ONECUT2: variants seen among roughly 807,000 people sequenced by gnomAD.
The protein encoded by ONECUT2 is one cut homeobox 2, also known as one cut domain family member 2.
A neutral mutation model predicts 27.9 loss-of-function variants in ONECUT2; 10 were observed. The ratio of observed to expected loss-of-function variants is 0.36; its 90% CI spans 0.22 to 0.61. The LOEUF (loss-of-function observed/expected upper bound fraction) is 0.61. Ranked by LOEUF, ONECUT2 falls within the 20% of genes least tolerant of loss-of-function variation. The pLI is 0.73. For missense variants in ONECUT2, 686 were observed against 721.0 expected (o/e 0.95, Z 0.56); for synonymous variants, 334 against 315.1 (o/e 1.06, Z -0.64).
At chr18:57,448,337 A>G (rs2050212185) in intron 1 of ONECUT2, among the ~76,000 whole-genome samples, 1 of 152,144 alleles carries the variant, frequency 6.6e-6, no homozygotes, top group Non-Finnish European at 1.5e-5. Flanking sequence ...TTCCCCTGTG[A>G]CAATTTATCT....
intron 1 of ONECUT2, among the ~76,000 whole-genome samples, chr18:57,450,206 C>T (rs1323511691): frequency 1.3e-5 from 2 of 152,148 alleles, no homozygotes; most frequent in African/African-American, 4.8e-5. Flanking sequence ...TGGAGCCGTA[C>T]TTTGTCACCC....
chr18:57,470,353 T>C (rs2050346566), intron 1 of ONECUT2, among the ~76,000 whole-genome samples: 4 of 152,132 alleles, frequency 2.6e-5, no homozygotes, highest in Admixed American at 2.0e-4. Context: ...GGGAAGGGGT[T>C]TTCCAAGATC....
rs771314671 is a variant in ONECUT2, at chr18:57,476,646, C to T, written c.1438C>T (p.Arg480Cys). 1 of 1,614,166 alleles carries T rather than the reference C, an allele frequency of 6.2e-7. No individual in the cohort carries two copies. Among genetic ancestry groups the T allele is most frequent in the Non-Finnish European group, 8.5e-7 (1 of 1,180,016 alleles). Residue 480 changes from arginine to cysteine, a missense_variant, in exon 2 of 2, where the codon CGC becomes TGC. By Grantham distance (180) the Arg-to-Cys change is radical. Coordinates refer to ENST00000491143, the MANE Select transcript of ONECUT2 (RefSeq NM_004852.3). Reference protein sequence around the residue: ...VSNFFMNARRRSLEKWQDDLS... With the variant: ...VSNFFMNARRCSLEKWQDDLS... ...CAACTTCTTCATGAACGCCCGGCGC[C>T]GCAGCCTGGAGAAGTGGCAAGACGA...
rs968511093 is a variant in ONECUT2 at position 57,482,248 on chromosome 18, A to G, written c.*5525A>G. On this transcript the variant is annotated 3_prime_UTR_variant, in exon 2 of 2. Transcript: ENST00000491143. ...TGTTTGTTTCCAAGGTCGGGGAGGG[A>G]AAGAGGGGAGGGTTTATCTGTTTTA... The G allele has an allele frequency of 2.0e-5, 3 of 152,096 alleles. No homozygotes were observed. The allele number at this position is 152,096 out of a possible 1,614,324, so 9.4% of individuals were successfully genotyped here. A position where few individuals can be genotyped will look rare whatever the true frequency, so the allele number is the denominator to read the frequency against.
intron 1 of ONECUT2, among the ~76,000 whole-genome samples, chr18:57,447,669 T>C (rs2050208113): frequency 6.6e-6 from 1 of 152,088 alleles, no homozygotes; most frequent in Admixed American, 6.5e-5. Flanking sequence ...AGTGTTACTG[T>C]CTGCCTGCCC....
chr18:57,465,238 C>G (rs920849839), intron 1 of ONECUT2, among the ~76,000 whole-genome samples: 2 of 152,304 alleles, frequency 1.3e-5, no homozygotes, highest in South Asian at 4.1e-4. Context: ...TTGTGGCTCA[C>G]CACAGTCTCA....
At chr18:57,456,119 C>A (rs1248792745) in intron 1 of ONECUT2, among the ~76,000 whole-genome samples, 6 of 152,156 alleles carry the variant, frequency 3.9e-5, no homozygotes, top group Non-Finnish European at 4.4e-5. Context: ...AAAATTGGAA[C>A]CTTGTGTGCT....
intron 1 of ONECUT2, among the ~76,000 whole-genome samples, chr18:57,450,998 A>G (rs1318210202): frequency 6.6e-6 from 1 of 152,202 alleles, no homozygotes; most frequent in Non-Finnish European, 1.5e-5. Flanking sequence ...TAAGATTTGA[A>G]TGGATACATC....
intron 1 of ONECUT2, among the ~76,000 whole-genome samples, chr18:57,448,150 G>A (rs959652911): frequency 3.3e-5 from 5 of 152,174 alleles, no homozygotes; most frequent in African/African-American, 7.2e-5. Flanking sequence ...TTTGGGTTTC[G>A]AGTAAAATGG....
chr18:57,436,337 G>T lies in ONECUT2; in HGVS notation c.621G>T (p.Met207Ile). The part of the protein sequence containing the change: ...LMRDERGLPA[M>I]NNLYSPYKEM... ...GCGACGAGCGCGGGCTCCCGGCCAT[G>T]AACAACCTCTACAGTCCCTACAAGG... The change falls in exon 1 of 2, where the codon ATG (methionine) becomes ATT (isoleucine). Residue 207 changes from methionine (M) to isoleucine (I), a missense_variant. Met to Ile is a conservative substitution (Grantham distance 10). Around this residue, in one of 4 missense-constraint regions of ONECUT2, gnomAD observed 511 missense variants for 488.1 expected, o/e 1.05. Coordinates refer to ENST00000491143, the MANE Select transcript of ONECUT2 (RefSeq NM_004852.3). This position sits in a 1 kb window ranked among gnomAD's most constrained non-coding sequence, Gnocchi z 5.9. 1 of 1,605,492 alleles carries T rather than the reference G, an allele frequency of 6.2e-7. No individual in the cohort carries two copies. The highest frequency in any genetic ancestry group is 8.5e-7 in the Non-Finnish European group (1 of 1,179,844).
At chr18:57,472,024 C>G in intron 1 of ONECUT2, among the ~76,000 whole-genome samples, 1 of 152,196 alleles carries the variant, frequency 6.6e-6, no homozygotes. Context: ...ATGGTCTAGA[C>G]AGGGCTGGGC....
intron 1 of ONECUT2, among the ~76,000 whole-genome samples, chr18:57,467,777 T>A (rs1230602019): frequency 6.6e-6 from 1 of 152,168 alleles, no homozygotes. Flanking sequence ...ACACCGACAT[T>A]CCAGGGCAGT....
chr18:57,437,023 C>CA, intron 1 of ONECUT2, 79 bp downstream of exon 1: 1 of 1,484,458 alleles, frequency 6.7e-7, no homozygotes, highest in Non-Finnish European at 8.9e-7. Flanking sequence ...AGTCTGCGCG[C>CA]CGAGTCACTT....
chr18:57,468,767 C>T (rs544774379), intron 1 of ONECUT2, among the ~76,000 whole-genome samples: 1 of 152,338 alleles, frequency 6.6e-6, no homozygotes, highest in Admixed American at 6.5e-5. Context: ...TGAGATTTAC[C>T]AGCATTTATG....
intron 1 of ONECUT2, chr18:57,467,334 C>A: frequency 2.9e-6 from 1 of 341,890 alleles, no homozygotes; most frequent in Non-Finnish European, 5.8e-6. Flanking sequence ...TGATCATCCA[C>A]ATTTCCTTTG....
intron 1 of ONECUT2, among the ~76,000 whole-genome samples, chr18:57,466,902 G>C (rs2050324168): frequency 6.6e-6 from 1 of 152,228 alleles, no homozygotes; most frequent in African/African-American, 2.4e-5. Flanking sequence ...CTGGAGAGAA[G>C]CAGAAGTAAG....
rs1369020696 is a variant in ONECUT2, at chr18:57,490,556, A to C, written c.*13833A>C. On this transcript the variant is annotated 3_prime_UTR_variant, in exon 2 of 2. Transcript: ENST00000491143. Reference sequence around the variant, plus strand: ...AAAGGGACCCATTAAATTATGGGAAAATGGCTATAGAGTGTGAGCCTCCGT... The same window carrying C: ...AAAGGGACCCATTAAATTATGGGAACATGGCTATAGAGTGTGAGCCTCCGT... The C allele has an allele frequency of 9.2e-5, 14 of 152,148 alleles. No homozygotes were observed. The East Asian group carries it at 2.7e-3, about 29-fold the overall frequency. 9.4% of individuals were successfully genotyped at this position (152,148 alleles called of 1,614,324 possible).
intron 1 of ONECUT2, among the ~76,000 whole-genome samples, chr18:57,469,895 T>C (rs1435121649): frequency 6.6e-6 from 1 of 152,204 alleles, no homozygotes; most frequent in Non-Finnish European, 1.5e-5. Flanking sequence ...GTCCTGCAGC[T>C]GATAAGTGGC....
At chr18:57,471,133 G>A (rs761985025) in intron 1 of ONECUT2, among the ~76,000 whole-genome samples, 2 of 152,110 alleles carry the variant, frequency 1.3e-5, no homozygotes, top group Non-Finnish European at 2.9e-5. Flanking sequence ...ACCCTGTCCC[G>A]CCTCCCTTTG....
Sources: gnomAD v4.1 joint callset for allele counts (sites outside exome capture counted in the v4.1 genomes callset) on GRCh38, gnomAD v4.1.1 for gene constraint, gnomAD v4.1.1 regional missense constraint, Gnocchi (gnomAD v3.1) non-coding constraint, MANE v1.5 for transcripts, NCBI Gene and HGNC (gene_info 2026-07-23, HGNC 2026-07-21) for gene names.